The following PCDH11X variants were observed in gnomAD, a reference collection of about 807,000 sequenced individuals.
The protein encoded by PCDH11X is protocadherin-11 X-linked.
Under a neutral mutation model 53.3 loss-of-function variants are expected in PCDH11X, and 18 were observed. The ratio of observed to expected loss-of-function variants is 0.34; its 90% confidence interval spans 0.23 to 0.50. The LOEUF (loss-of-function observed/expected upper bound fraction) is 0.50. Ranked by LOEUF, PCDH11X falls within the 20% of genes least tolerant of loss-of-function variation. The probability of loss-of-function intolerance (pLI) is 0.98; values close to 1 mark genes in which losing one functional copy is unlikely to be tolerated. For missense variants in PCDH11X, 570 were observed against 1,032.4 expected (o/e 0.55, Z 6.14); for synonymous variants, 279 against 393.3 (o/e 0.71, Z 3.44).
At chrX:91,908,101 ATAGGCATGGGCAAAGATTTCAT>A (rs1181814310) in intron 6 of PCDH11X, among the ~76,000 whole-genome samples, 1 of 111,973 alleles carries the variant, frequency 8.9e-6, no homozygotes, top group East Asian at 2.8e-4. Context: ...CATTCAGGAC[ATAGGCATGGGCAAAGATTTCAT>A]TATGAAAATG....
chrX:92,122,893 T>C (rs2064796769), intron 6 of PCDH11X, among the ~76,000 whole-genome samples: 1 of 111,135 alleles, frequency 9.0e-6, no homozygotes, highest in African/African-American at 3.3e-5. Flanking sequence ...GCTGAGATCA[T>C]GCCACTGCAC....
At chrX:92,513,408 G>A (rs1251222985) in intron 10 of PCDH11X, among the ~76,000 whole-genome samples, 1 of 110,169 alleles carries the variant, frequency 9.1e-6, no homozygotes, top group Non-Finnish European at 1.9e-5. Context: ...AAGGGGATAT[G>A]AGGCTTATGG....
In PCDH11X at chrX:92,622,100, TTA is replaced by T. The variant is rs1159303006; in HGVS notation, c.*3161_*3162del. On this transcript the variant is annotated 3_prime_UTR_variant, in exon 11 of 11. Transcript: ENST00000682573. ...ATATGATATCTACAATGTAATAAATTTAGAGAGTAATTTTGTGTATTCTTATT... is the reference window on the plus strand; with the variant it reads ...ATATGATATCTACAATGTAATAAATTGAGAGTAATTTTGTGTATTCTTATT... 3.0e-5 allele frequency: 3 copies of T among 100,195 alleles called. No individual in the cohort carries two copies. Among genetic ancestry groups the T allele is most frequent in the African/African-American group, 1.1e-4 (3 of 27,343 alleles). The allele number at this position is 100,195 out of a possible 1,213,427, so 8.3% of individuals were successfully genotyped here.
intron 6 of PCDH11X, among the ~76,000 whole-genome samples, chrX:92,129,339 C>T (rs1458548674): frequency 7.2e-5 from 8 of 111,049 alleles, no homozygotes; most frequent in South Asian, 3.8e-4. Flanking sequence ...TGCAGTGAGC[C>T]GAGATCGTGC....
chrX:92,260,309 T>A (rs2067688412), intron 7 of PCDH11X, among the ~76,000 whole-genome samples: 1 of 111,240 alleles, frequency 9.0e-6, no homozygotes, highest in Non-Finnish European at 1.9e-5. Flanking sequence ...AGGGCTGGTT[T>A]AAATGCTCCC....
intron 7 of PCDH11X, among the ~76,000 whole-genome samples, chrX:92,256,469 C>G (rs1250672948): frequency 9.0e-6 from 1 of 111,074 alleles, no homozygotes; most frequent in African/African-American, 3.3e-5. Context: ...GCTCCTCCCT[C>G]CGGTTTGTGT....
chrX:91,875,559 G>A (rs1465740226), intron 5 of PCDH11X, among the ~76,000 whole-genome samples: 2 of 109,740 alleles, frequency 1.8e-5, no homozygotes, highest in Non-Finnish European at 3.8e-5. Flanking sequence ...CCAAAGTGCT[G>A]GAATTACAGG....
chrX:92,323,946 A>T (rs192299692), intron 8 of PCDH11X, among the ~76,000 whole-genome samples: 1,635 of 108,478 alleles, frequency 0.015, 23 homozygotes, highest in Admixed American at 0.027. Flanking sequence ...TGTTAAAAAT[A>T]CAATTCAATA....
chrX:91,826,422 C>G (rs1235632339), intron 4 of PCDH11X, among the ~76,000 whole-genome samples: 1 of 106,589 alleles, frequency 9.4e-6, no homozygotes, highest in Non-Finnish European at 1.9e-5. Flanking sequence ...AATGCAAATT[C>G]CATTTTACTT....
At chrX:92,341,342 C>T (rs1250984525) in intron 8 of PCDH11X, among the ~76,000 whole-genome samples, 6 of 111,561 alleles carry the variant, frequency 5.4e-5, no homozygotes, top group Non-Finnish European at 1.1e-4. Context: ...GTTCCAATGT[C>T]GCTTCCACAT....
At chrX:92,225,980 A>T (rs2066963623) in intron 7 of PCDH11X, among the ~76,000 whole-genome samples, 1 of 111,661 alleles carries the variant, frequency 9.0e-6, no homozygotes, top group African/African-American at 3.3e-5. Context: ...ACAATCAAAA[A>T]CTATTCTTCA....
intron 6 of PCDH11X, among the ~76,000 whole-genome samples, chrX:92,146,459 G>C (rs2476043): frequency 9.0e-6 from 1 of 111,313 alleles, no homozygotes; most frequent in African/African-American, 3.3e-5. Flanking sequence ...ACTAATTAAA[G>C]CCTTTATATT....
chrX:91,791,935 C>T (rs2147522374), intron 1 of PCDH11X, among the ~76,000 whole-genome samples: 1 of 103,950 alleles, frequency 9.6e-6, no homozygotes, highest in Non-Finnish European at 2.0e-5. Flanking sequence ...AATCTCGGCT[C>T]ACTGCAAGCT....
rs1363573334 is a variant in PCDH11X, at chrX:92,379,222, C to A, written c.3145-8513C>A. On this transcript the variant is annotated intron_variant, in intron 8 of 10. Coordinates refer to ENST00000682573, the MANE Select transcript of PCDH11X (RefSeq NM_032968.5). Reference sequence around the variant, plus strand: ...TGTGCTCTTGGGGACCCAGGAAGCCCTCCTGCCCCAGCAGGCTTGAAAGAG... The same window carrying A: ...TGTGCTCTTGGGGACCCAGGAAGCCATCCTGCCCCAGCAGGCTTGAAAGAG... 4.4e-5 allele frequency among the ~76,000 whole-genome samples: 5 copies of A among 113,147 alleles called. No homozygotes were observed. In the Admixed American group the frequency reaches 4.6e-4, roughly 10 times the overall value.
At chrX:92,128,289 T>C (rs1338893575) in intron 6 of PCDH11X, among the ~76,000 whole-genome samples, 1 of 110,346 alleles carries the variant, frequency 9.1e-6, no homozygotes, top group Non-Finnish European at 1.9e-5. Flanking sequence ...CAGTATGGAA[T>C]ACACCTGCTG....
chrX:92,360,569 A>G (rs1172000198), intron 8 of PCDH11X, among the ~76,000 whole-genome samples: 1 of 110,200 alleles, frequency 9.1e-6, no homozygotes, highest in East Asian at 2.8e-4. Flanking sequence ...ACTCAAAACA[A>G]TGTTTTAGAT....
At chrX:91,901,347 G>A (rs1320275495) in intron 6 of PCDH11X, among the ~76,000 whole-genome samples, 1 of 110,263 alleles carries the variant, frequency 9.1e-6, no homozygotes, top group East Asian at 2.9e-4. Context: ...CTCAAGCTCA[G>A]GTAATTGGTA....
intron 9 of PCDH11X, among the ~76,000 whole-genome samples, chrX:92,403,329 G>GTTTTTTTGTTTTT (rs2071428358): frequency 1.7e-5 from 1 of 58,814 alleles, no homozygotes; most frequent in African/African-American, 7.8e-5. Context: ...GGGCATTTAC[G>GTTTTTTTGTTTTT]TTTTTTTTTG....
intron 5 of PCDH11X, among the ~76,000 whole-genome samples, chrX:91,849,326 G>A (rs1937876896): frequency 9.1e-6 from 1 of 109,712 alleles, no homozygotes; most frequent in Non-Finnish European, 1.9e-5. Context: ...GTGCAGGTTT[G>A]TTATATAGGT....
Sources: allele counts gnomAD v4.1 joint callset (sites outside exome capture counted in the v4.1 genomes callset), GRCh38; gene constraint gnomAD v4.1.1; transcripts MANE v1.5; gene names NCBI Gene and HGNC (gene_info 2026-07-23, HGNC 2026-07-21).